DCDC2: variants seen among roughly 807,000 people sequenced by gnomAD.
The protein encoded by DCDC2 is doublecortin domain containing 2, also known as doublecortin domain-containing protein 2.
DCDC2 carries 40 observed loss-of-function variants against 50.2 expected under a neutral mutation model. That is an observed-to-expected ratio of 0.80 (90% CI 0.62 to 1.04). The LOEUF is 1.04. Ranked by LOEUF, DCDC2 falls within the 50% of genes least tolerant of loss-of-function variation. The pLI is 0.00. For synonymous variants in DCDC2, 234 were observed against 210.6 expected (o/e 1.11, Z -0.96); for missense variants, 570 against 581.9 (o/e 0.98, Z 0.21).
intron 7 of DCDC2, among the ~76,000 whole-genome samples, chr6:24,274,539 C>CAA: frequency 7.4e-6 from 1 of 135,100 alleles, no homozygotes; most frequent in Non-Finnish European, 1.5e-5. Flanking sequence ...GATTTGTTTC[C>CAA]CTGAAGAAAT....
chr6:24,210,123 C>T (rs1023670406), intron 7 of DCDC2, among the ~76,000 whole-genome samples: 1 of 151,378 alleles, frequency 6.6e-6, no homozygotes, highest in Non-Finnish European at 1.5e-5. Flanking sequence ...AGAAGTTTCT[C>T]CTAAGTCTCC....
chr6:24,278,299 G>T, intron 6 of DCDC2, 88 bp from the exon 7 acceptor site: 2 of 1,230,856 alleles, frequency 1.6e-6, no homozygotes, highest in African/African-American at 1.5e-5. Context: ...CTACTGGTAA[G>T]CAGGGCAGGG....
chr6:24,244,341 T>G (rs144807542), intron 7 of DCDC2, among the ~76,000 whole-genome samples: 1 of 152,330 alleles, frequency 6.6e-6, no homozygotes, highest in African/African-American at 2.4e-5. Context: ...CAAAAAAGTA[T>G]GTGATTCATT....
chr6:24,293,160 G>A (rs990799375), intron 4 of DCDC2, among the ~76,000 whole-genome samples: 2 of 152,082 alleles, frequency 1.3e-5, no homozygotes, highest in Non-Finnish European at 2.9e-5. Flanking sequence ...GGTTGGTCTC[G>A]AACTCCTGGG....
intron 2 of DCDC2, among the ~76,000 whole-genome samples, chr6:24,315,223 A>G (rs1488713850): frequency 6.7e-6 from 1 of 149,746 alleles, no homozygotes; most frequent in African/African-American, 2.5e-5. Context: ...CAGATAATGC[A>G]TGTTTCTGTA....
At chr6:24,374,052 C>A in the DCDC2 span, among the ~76,000 whole-genome samples, 1 of 151,514 alleles carries the variant, frequency 6.6e-6, no homozygotes, top group Non-Finnish European at 1.5e-5. Flanking sequence ...GTTCCAGCTA[C>A]TCGGGAGGCT....
intron 2 of DCDC2, among the ~76,000 whole-genome samples, chr6:24,351,881 G>A (rs576576607): frequency 2.2e-4 from 33 of 152,118 alleles, no homozygotes; most frequent in Admixed American, 5.2e-4. Flanking sequence ...CAAGGCGGGC[G>A]GATCATGAGG....
chr6:24,319,160 AT>A (rs1307955663), intron 2 of DCDC2, among the ~76,000 whole-genome samples: 1 of 152,086 alleles, frequency 6.6e-6, no homozygotes, highest in Non-Finnish European at 1.5e-5. Context: ...TGCATTTTTA[AT>A]TTGCATTTCT....
At chr6:24,363,766 C>T in the DCDC2 span, among the ~76,000 whole-genome samples, 3 of 152,136 alleles carry the variant, frequency 2.0e-5, no homozygotes, top group Non-Finnish European at 4.4e-5. Context: ...GAATTCAAGG[C>T]ATCATCATCC....
chr6:24,178,729 T>C, intron 8 of DCDC2, 97 bp from the exon 9 acceptor site: 2 of 1,232,512 alleles, frequency 1.6e-6, no homozygotes. Flanking sequence ...TACAGTCAAG[T>C]AAAACATTCT....
intron 2 of DCDC2, among the ~76,000 whole-genome samples, chr6:24,320,331 GT>G (rs869216264): frequency 1.3e-5 from 2 of 151,840 alleles, no homozygotes; most frequent in Non-Finnish European, 2.9e-5. Flanking sequence ...TTGTTTGTTT[GT>G]TTTGTGGGGG....
intron 8 of DCDC2, among the ~76,000 whole-genome samples, chr6:24,203,870 A>C (rs1358864781): frequency 6.6e-6 from 1 of 152,244 alleles, no homozygotes; most frequent in African/African-American, 2.4e-5. Context: ...TTATGCAGCC[A>C]ACAAACATAA....
chr6:24,203,272 T>G (rs1246315672), intron 8 of DCDC2, among the ~76,000 whole-genome samples: 2 of 152,310 alleles, frequency 1.3e-5, no homozygotes, highest in Non-Finnish European at 2.9e-5. Flanking sequence ...AGCATGATGC[T>G]GGTACCAAAA....
intron 8 of DCDC2, among the ~76,000 whole-genome samples, chr6:24,181,144 T>C (rs974350632): frequency 6.6e-6 from 1 of 152,164 alleles, no homozygotes; most frequent in African/African-American, 2.4e-5. Context: ...CAGCATGTCG[T>C]CAGGGTGGGT....
intron 1 of DCDC2, among the ~76,000 whole-genome samples, chr6:24,355,844 C>A (rs1404313474): frequency 6.6e-6 from 1 of 152,096 alleles, no homozygotes; most frequent in African/African-American, 2.4e-5. Flanking sequence ...AGAAGGATTA[C>A]ATTCAAGAAT....
chr6:24,361,265 C>A (rs559433220), upstream of DCDC2, among the ~76,000 whole-genome samples: 1 of 151,978 alleles, frequency 6.6e-6, no homozygotes, highest in African/African-American at 2.4e-5. Flanking sequence ...GATACTGGGG[C>A]CTACTTGAGG....
At chr6:24,175,594 G>A (rs768417857) in intron 9 of DCDC2, among the ~76,000 whole-genome samples, 17 of 152,290 alleles carry the variant, frequency 1.1e-4, no homozygotes, top group South Asian at 6.2e-4. Flanking sequence ...GACTGGTGCC[G>A]TGTCTTATTT....
intron 2 of DCDC2, among the ~76,000 whole-genome samples, chr6:24,303,821 A>C (rs1759423791): frequency 6.6e-6 from 1 of 152,226 alleles, no homozygotes; most frequent in South Asian, 2.1e-4. Flanking sequence ...TTGGCCTAAA[A>C]TCACACATAA....
At position 24,204,940 on chromosome 6, in the gene DCDC2, C is replaced by A; in HGVS notation, c.1023+62G>T. On this transcript the variant is annotated intron_variant, in intron 8 of 9. Coordinates refer to ENST00000378454, the MANE Select transcript of DCDC2 (RefSeq NM_016356.5). ...TAGGAACAATTTGTAGGAGATAACA[C>A]AAAACTTGGAAAAAAAACACTATAA... The A allele has an allele frequency of 4.0e-6, 6 of 1,503,516 alleles. No homozygotes were observed. In the South Asian group the frequency reaches 7.5e-5, roughly 19 times the overall value. The allele number at this position is 1,503,516 out of a possible 1,614,324, so 93.1% of individuals were successfully genotyped here. A position where few individuals can be genotyped will look rare whatever the true frequency, so the allele number is the denominator to read the frequency against.
Sources: allele counts gnomAD v4.1 joint callset (sites outside exome capture counted in the v4.1 genomes callset), GRCh38; gene constraint gnomAD v4.1.1; transcripts MANE v1.5; gene names NCBI Gene and HGNC (gene_info 2026-07-23, HGNC 2026-07-21).